The following CDH19 variants were observed in gnomAD, a reference collection of about 807,000 sequenced individuals.
CDH19 encodes cadherin 19, also known as cadherin-19.
A neutral mutation model predicts 64.2 loss-of-function variants in CDH19; 67 were observed. The ratio of observed to expected loss-of-function variants is 1.04; its 90% confidence interval spans 0.86 to 1.28. The LOEUF is 1.28. Among genes scored for constraint, CDH19 ranks in the 50% most tolerant of loss-of-function variants. CDH19 has a pLI of 0.00. For missense variants in CDH19, 1,030 were observed against 929.0 expected (o/e 1.11, Z -1.41); for synonymous variants, 346 against 319.3 (o/e 1.08, Z -0.89).
chr18:66,572,666 C>T (rs2144583013), intron 1 of CDH19, among the ~76,000 whole-genome samples: 1 of 151,728 alleles, frequency 6.6e-6, no homozygotes, highest in South Asian at 2.1e-4. Flanking sequence ...AAAATACAAA[C>T]TATCTCATTA....
At chr18:66,570,587 TACTA>T (rs148550592) in intron 2 of CDH19, among the ~76,000 whole-genome samples, 2,607 of 151,864 alleles carry the variant, frequency 0.017, 75 homozygotes, top group African/African-American at 0.059. Context: ...ATTGTATATT[TACTA>T]ACTCTTTTGA....
intron 9 of CDH19, among the ~76,000 whole-genome samples, chr18:66,518,594 T>C (rs761204553): frequency 2.0e-5 from 3 of 152,164 alleles, no homozygotes; most frequent in Non-Finnish European, 4.4e-5. Context: ...TATATAATTT[T>C]TATGTGTATT....
intron 1 of CDH19, among the ~76,000 whole-genome samples, chr18:66,586,320 G>T (rs1308959113): frequency 1.3e-5 from 2 of 151,898 alleles, no homozygotes; most frequent in Non-Finnish European, 2.9e-5. Context: ...TTTTGAAAAT[G>T]CTACTAAAAA....
chr18:66,590,363 A>G (rs889552570), intron 1 of CDH19, among the ~76,000 whole-genome samples: 7 of 151,880 alleles, frequency 4.6e-5, no homozygotes, highest in Non-Finnish European at 7.4e-5. Flanking sequence ...TTATGTTGCT[A>G]TTTTATAAAT....
At chr18:66,547,729 G>C (rs1987176278) in intron 5 of CDH19, among the ~76,000 whole-genome samples, 1 of 134,354 alleles carries the variant, frequency 7.4e-6, no homozygotes, top group Non-Finnish European at 1.5e-5. Context: ...GTGCAGTGGC[G>C]GGATCTCGGC....
chr18:66,574,791 A>G (rs1430410876), intron 1 of CDH19, among the ~76,000 whole-genome samples: 1 of 151,806 alleles, frequency 6.6e-6, no homozygotes, highest in Non-Finnish European at 1.5e-5. Context: ...GTAGACAACG[A>G]TATGTTATAT....
chr18:66,518,292 G>A (rs901600701), intron 9 of CDH19, among the ~76,000 whole-genome samples: 4 of 151,796 alleles, frequency 2.6e-5, no homozygotes, highest in African/African-American at 4.8e-5. Context: ...TGAGTGCAAC[G>A]GTGCGATCTC....
chr18:66,602,005 T>TTA lies in CDH19; in HGVS notation c.-113+1948_-113+1949insTA, dbSNP rs1472908693. On this transcript the variant is annotated intron_variant, in intron 1 of 11. Coordinates refer to ENST00000262150, the MANE Select transcript of CDH19 (RefSeq NM_021153.4). ...GTTCCATACTTAGTTGTGTTTCAAC[T>TTA]TCAATCTGTTTCACCAAAGCAAAGA... 2.0e-5 allele frequency among the ~76,000 whole-genome samples: 3 copies of TTA among 152,072 alleles called. No homozygotes were observed. In the East Asian group the frequency reaches 5.8e-4, roughly 29 times the overall value.
chr18:66,574,310 C>A (rs904587750), intron 1 of CDH19, among the ~76,000 whole-genome samples: 1 of 151,376 alleles, frequency 6.6e-6, no homozygotes, highest in Admixed American at 6.6e-5. Context: ...ATATTCATAG[C>A]CAATCCTATT....
intron 7 of CDH19, among the ~76,000 whole-genome samples, chr18:66,542,611 T>G (rs1398347813): frequency 2.6e-5 from 4 of 152,198 alleles, no homozygotes; most frequent in Admixed American, 1.3e-4. Context: ...TTTCTAACCC[T>G]TTGAACTCCT....
chr18:66,536,202 A>T (rs1986664037), intron 7 of CDH19, among the ~76,000 whole-genome samples: 1 of 151,750 alleles, frequency 6.6e-6, no homozygotes, highest in African/African-American at 2.4e-5. Context: ...CTTTGATGAG[A>T]TATCAAGGAA....
At chr18:66,585,447 T>A (rs536767336) in intron 1 of CDH19, among the ~76,000 whole-genome samples, 4 of 152,150 alleles carry the variant, frequency 2.6e-5, no homozygotes, top group African/African-American at 9.6e-5. Flanking sequence ...TTCCATCACC[T>A]TGGACGAATA....
At chr18:66,588,590 C>T (rs991579206) in intron 1 of CDH19, among the ~76,000 whole-genome samples, 2 of 130,338 alleles carry the variant, frequency 1.5e-5, no homozygotes, top group African/African-American at 5.1e-5. Context: ...AATGATCTTA[C>T]TCATTTTTAC....
At position 66,544,172 on chromosome 18, in the gene CDH19, T is replaced by A. The variant is rs772603380; in HGVS notation, c.1013A>T (p.Asn338Ile). 18 of 1,613,712 alleles carry A rather than the reference T, an allele frequency of 1.1e-5. No individual in the cohort carries two copies. In the Admixed American group the frequency reaches 2.2e-4, roughly 19 times the overall value. ...NHYGIRAKVK[N>I]HHVPEQLMKY... ...CATGAGCTGCTCAGGAACATGATGG[T>A]TTTTAACTTTTGCTCTAATACCGTA... is the stretch of plus-strand genomic sequence containing the variant. Residue 338 changes from asparagine to isoleucine, a missense_variant, in exon 7 of 12, where the codon AAC (asparagine) becomes ATC (isoleucine). By Grantham distance (149) the Asn-to-Ile change is moderately radical (BLOSUM62 -3). Coordinates refer to ENST00000262150, the MANE Select transcript of CDH19 (RefSeq NM_021153.4).
At chr18:66,602,458 A>T (rs1047058037) in intron 1 of CDH19, among the ~76,000 whole-genome samples, 1 of 151,918 alleles carries the variant, frequency 6.6e-6, no homozygotes, top group Non-Finnish European at 1.5e-5. Flanking sequence ...TTAATCAAAA[A>T]TTTTTTTATG....
intron 7 of CDH19, among the ~76,000 whole-genome samples, chr18:66,540,492 T>C (rs1174371896): frequency 6.6e-6 from 1 of 152,184 alleles, no homozygotes; most frequent in East Asian, 1.9e-4. Context: ...TATAAACAAC[T>C]GATATTTATT....
chr18:66,581,623 C>T (rs1988423289), intron 1 of CDH19, among the ~76,000 whole-genome samples: 2 of 152,150 alleles, frequency 1.3e-5, no homozygotes, highest in South Asian at 4.1e-4. Context: ...TGCTTCCTGT[C>T]CTTGGATATC....
chr18:66,537,861 C>T (rs1263935527), intron 7 of CDH19, among the ~76,000 whole-genome samples: 2 of 151,852 alleles, frequency 1.3e-5, no homozygotes. Context: ...GTATGTATAC[C>T]CATGCGTACA....
chr18:66,511,156 T>A (rs887254652), intron 10 of CDH19, among the ~76,000 whole-genome samples: 2 of 150,226 alleles, frequency 1.3e-5, no homozygotes, highest in Admixed American at 6.7e-5. Flanking sequence ...AAGCTCCTAA[T>A]TGATGACCCT....
Sources: allele counts gnomAD v4.1 joint callset (sites outside exome capture counted in the v4.1 genomes callset), GRCh38; gene constraint gnomAD v4.1.1; transcripts MANE v1.5; gene names NCBI Gene and HGNC (gene_info 2026-07-23, HGNC 2026-07-21).